KCNIP4: variants seen among roughly 807,000 people sequenced by gnomAD.
KCNIP4 encodes the protein Kv channel-interacting protein 4.
A neutral mutation model predicts 34.0 loss-of-function variants in KCNIP4; 12 were observed. That is an observed-to-expected ratio of 0.35 (90% CI 0.23 to 0.57). The LOEUF (loss-of-function observed/expected upper bound fraction) is 0.57. Ranked by LOEUF, KCNIP4 falls within the 20% of genes least tolerant of loss-of-function variation. The pLI is 0.83. For missense variants in KCNIP4, 238 were observed against 311.7 expected (o/e 0.76, Z 1.78); for synonymous variants, 124 against 102.2 (o/e 1.21, Z -1.29).
At chr4:21,682,424 G>C (rs1750437941) in intron 1 of KCNIP4, among the ~76,000 whole-genome samples, 1 of 152,106 alleles carries the variant, frequency 6.6e-6, no homozygotes, top group Non-Finnish European at 1.5e-5. Context: ...GGGGAGTTGT[G>C]GCAGGTTTGA....
intron 1 of KCNIP4, among the ~76,000 whole-genome samples, chr4:21,400,043 C>T (rs1265579687): frequency 6.6e-6 from 1 of 152,112 alleles, no homozygotes; most frequent in Non-Finnish European, 1.5e-5. Flanking sequence ...TTCCAAATCC[C>T]TTTTTCCTGC....
At chr4:21,815,297 G>A (rs972398767) in intron 1 of KCNIP4, among the ~76,000 whole-genome samples, 4 of 152,068 alleles carry the variant, frequency 2.6e-5, no homozygotes, top group African/African-American at 9.7e-5. Context: ...ATAAAATGAA[G>A]ATGATAATGT....
intron 1 of KCNIP4, among the ~76,000 whole-genome samples, chr4:21,056,034 C>T (rs1042427641): frequency 2.0e-5 from 3 of 152,062 alleles, no homozygotes; most frequent in African/African-American, 4.8e-5. Flanking sequence ...GGCTGTGTGT[C>T]GGGGTGGGTA....
intron 3 of KCNIP4, among the ~76,000 whole-genome samples, chr4:20,761,913 C>T (rs972689202): frequency 3.3e-5 from 5 of 152,138 alleles, no homozygotes; most frequent in African/African-American, 1.2e-4. Flanking sequence ...TCTCTACAAA[C>T]ACATACTGTA....
intron 1 of KCNIP4, among the ~76,000 whole-genome samples, chr4:21,492,012 C>T (rs1274658191): frequency 6.6e-6 from 1 of 152,128 alleles, no homozygotes. Flanking sequence ...GGCCATTTTA[C>T]CTCCAAAGAT....
intron 1 of KCNIP4, among the ~76,000 whole-genome samples, chr4:21,337,045 G>C (rs1208458026): frequency 2.0e-5 from 3 of 151,992 alleles, no homozygotes; most frequent in African/African-American, 7.2e-5. Context: ...GGAGAGGAAA[G>C]AGCATGGCAG....
At chr4:21,935,344 T>C (rs1729796571) in intron 1 of KCNIP4, among the ~76,000 whole-genome samples, 1 of 152,090 alleles carries the variant, frequency 6.6e-6, no homozygotes, top group Non-Finnish European at 1.5e-5. Context: ...GATTATGCCA[T>C]TATTGTCCTC....
At chr4:21,905,686 G>A (rs1405089024) in intron 1 of KCNIP4, among the ~76,000 whole-genome samples, 1 of 152,070 alleles carries the variant, frequency 6.6e-6, no homozygotes, top group African/African-American at 2.4e-5. Flanking sequence ...AAAGCCTTCT[G>A]CCAAATCTAC....
At chr4:21,806,559 T>C (rs767290480) in intron 1 of KCNIP4, among the ~76,000 whole-genome samples, 11 of 152,202 alleles carry the variant, frequency 7.2e-5, no homozygotes, top group Non-Finnish European at 1.2e-4. Flanking sequence ...ACTCTTTCAA[T>C]AAATATGTAG....
chr4:20,729,821 C>T lies in KCNIP4; in HGVS notation c.*261G>A. The T allele has an allele frequency of 2.8e-6, 1 of 351,404 alleles. No homozygotes were observed. Among genetic ancestry groups the T allele is most frequent in the Non-Finnish European group, 5.1e-6 (1 of 195,700 alleles). 21.8% of individuals were successfully genotyped at this position (351,404 alleles called of 1,614,324 possible). On this transcript the variant is annotated 3_prime_UTR_variant, in exon 9 of 9. Transcript: ENST00000382152. ...CTAAGGAACCAATAAAACTATATGC[C>T]AGATTCTATTACTTTTGAATATTCA...
intron 1 of KCNIP4, among the ~76,000 whole-genome samples, chr4:21,176,131 G>A (rs752825234): frequency 6.6e-6 from 1 of 152,184 alleles, no homozygotes; most frequent in East Asian, 1.9e-4. Context: ...TTTTAGTCAA[G>A]TCATTTGTGT....
chr4:21,830,087 C>A (rs765121619), intron 1 of KCNIP4, among the ~76,000 whole-genome samples: 1 of 152,070 alleles, frequency 6.6e-6, no homozygotes, highest in Non-Finnish European at 1.5e-5. Context: ...GTACATGCAG[C>A]CTACCTACCA....
At chr4:21,038,810 A>G (rs748435351) in intron 1 of KCNIP4, among the ~76,000 whole-genome samples, 39 of 152,124 alleles carry the variant, frequency 2.6e-4, no homozygotes, top group Admixed American at 3.9e-4. Context: ...GTTGAGAGGG[A>G]TTGTTAATTT....
In KCNIP4 at chr4:21,678,380, A is replaced by C. The variant is rs929751118; in HGVS notation, c.61+270191T>G. Among the ~76,000 whole-genome samples, 36 of 148,956 alleles carry C rather than the reference A, an allele frequency of 2.4e-4. 2 individuals carry two copies. The highest frequency in any genetic ancestry group is 3.0e-5 in the Non-Finnish European group (2 of 67,470). On this transcript the variant is annotated intron_variant, in intron 1 of 8. Transcript: ENST00000382152. ...TCTTAGTTAATGGACCATGCAAAAA[A>C]ACAGCCAATAGACTGGATATAGCCC...
chr4:21,223,477 G>A (rs1758128760), intron 1 of KCNIP4, among the ~76,000 whole-genome samples: 1 of 152,174 alleles, frequency 6.6e-6, no homozygotes, highest in African/African-American at 2.4e-5. Flanking sequence ...TAATATGCCT[G>A]CTTTGCATAT....
At chr4:21,411,215 T>C (rs957638351) in intron 1 of KCNIP4, among the ~76,000 whole-genome samples, 5 of 152,102 alleles carry the variant, frequency 3.3e-5, no homozygotes, top group African/African-American at 9.7e-5. Context: ...GGCAAAGAGT[T>C]TGTGTTGATG....
chr4:21,661,062 G>A (rs1748411261), intron 1 of KCNIP4, among the ~76,000 whole-genome samples: 1 of 152,134 alleles, frequency 6.6e-6, no homozygotes, highest in South Asian at 2.1e-4. Context: ...GCAGAGCAGT[G>A]TAGCAGAGAA....
intron 1 of KCNIP4, among the ~76,000 whole-genome samples, chr4:21,044,806 C>T (rs1283302769): frequency 6.6e-6 from 1 of 152,198 alleles, no homozygotes; most frequent in East Asian, 1.9e-4. Context: ...TGTGAATTTC[C>T]ATGTCCAGGG....
At chr4:21,325,591 C>A (rs751101883) in intron 1 of KCNIP4, among the ~76,000 whole-genome samples, 1 of 151,160 alleles carries the variant, frequency 6.6e-6, no homozygotes, top group Non-Finnish European at 1.5e-5. Flanking sequence ...TCTTTGTTTT[C>A]TTTTCATTTA....
Sources: gnomAD v4.1 joint callset for allele counts (sites outside exome capture counted in the v4.1 genomes callset) on GRCh38, gnomAD v4.1.1 for gene constraint, MANE v1.5 for transcripts, NCBI Gene and HGNC (gene_info 2026-07-23, HGNC 2026-07-21) for gene names.